DSP: variants seen among roughly 807,000 people sequenced by gnomAD.
The protein encoded by DSP is desmoplakin, also known as 250/210 kDa paraneoplastic pemphigus antigen.
DSP carries 114 observed loss-of-function variants against 290.6 expected under a neutral mutation model. The ratio of observed to expected loss-of-function variants is 0.39; its 90% CI spans 0.34 to 0.46. The LOEUF (loss-of-function observed/expected upper bound fraction) is 0.46, where lower values mean the gene tolerates loss of function less well. DSP is among the 20% of genes least tolerant of loss of function. DSP has a pLI of 0.99. For missense variants in DSP, 3,230 were observed against 3,495.8 expected (o/e 0.92, Z 1.92); for synonymous variants, 1,311 against 1,316.4 (o/e 1.00, Z 0.09).
intron 5 of DSP, 35 bp downstream of exon 5, chr6:7,562,815 A>T: frequency 6.2e-7 from 1 of 1,613,280 alleles, no homozygotes; most frequent in Non-Finnish European, 8.5e-7. Context: ...AGTCTTCAAA[A>T]TATCTACCGA....
At chr6:7,558,015 T>G (rs577842439) in intron 2 of DSP, 101 bp from the exon 3 acceptor site, 2 of 1,420,274 alleles carry the variant, frequency 1.4e-6, no homozygotes, top group South Asian at 1.2e-5. Context: ...AACTTACAGT[T>G]TTTGTCATGT....
chr6:7,549,953 G>A (rs1758285121), intron 1 of DSP, among the ~76,000 whole-genome samples: 1 of 152,106 alleles, frequency 6.6e-6, no homozygotes, highest in Non-Finnish European at 1.5e-5. Flanking sequence ...TGCCTATAAT[G>A]TCCCTCTTTG....
intron 1 of DSP, among the ~76,000 whole-genome samples, chr6:7,543,393 CTTT>C (rs397886749): frequency 0.046 from 3,693 of 80,044 alleles, 41 homozygotes; most frequent in Middle Eastern, 0.071. Context: ...TCTATTTTCG[CTTT>C]TTTTTTTTTT....
chr6:7,569,009 A>G lies in DSP; in HGVS notation c.1420-177A>G, dbSNP rs1045419455. 6.8e-4 allele frequency among the ~76,000 whole-genome samples: 103 copies of G among 152,250 alleles called. 1 individual carries two copies. Among genetic ancestry groups the G allele is most frequent in the African/African-American group, 2.2e-3 (93 of 41,460 alleles). On this transcript the variant is annotated intron_variant, in intron 11 of 23. Coordinates refer to ENST00000379802, the MANE Select transcript of DSP (RefSeq NM_004415.4). Reference sequence around the variant, plus strand: ...CTTCATGTATACCTTTTAGGCTCACATGTATTATTTAAAGCATCGGTATTG... The same window carrying G: ...CTTCATGTATACCTTTTAGGCTCACGTGTATTATTTAAAGCATCGGTATTG...
intron 9 of DSP, 32 bp from the exon 10 acceptor site, chr6:7,567,749 G>T: frequency 6.2e-7 from 1 of 1,613,526 alleles, no homozygotes; most frequent in Non-Finnish European, 8.5e-7. Flanking sequence ...TTGAGTTGCT[G>T]TTCATTCACT....
intron 12 of DSP, 73 bp from the exon 13 acceptor site, chr6:7,570,364 C>T (rs372161529): frequency 4.3e-6 from 7 of 1,609,384 alleles, no homozygotes; most frequent in East Asian, 2.2e-5. Context: ...GTGGTGTGAG[C>T]GTGTCCAGGT....
At position 7,583,005 on chromosome 6, in the gene DSP, C is replaced by T. The variant is rs1461028383; in HGVS notation, c.5743C>T (p.Arg1915Cys). Residue 1915 changes from arginine to cysteine, a missense_variant, in exon 24 of 24, where the codon CGT becomes TGT. By Grantham distance (180) the Arg-to-Cys change is radical (BLOSUM62 -3). Transcript: ENST00000379802. The surrounding 1 kb of genome is among the most constrained non-coding windows in gnomAD (Gnocchi z 4.0). ...EIKRIEERCR[R>C]KLEDSTRETQ... Reference sequence around the variant, plus strand: ...CAAGAGAATTGAAGAGAGGTGCAGGCGTAAGCTGGAGGATTCTACCAGGGA... The same window carrying T: ...CAAGAGAATTGAAGAGAGGTGCAGGTGTAAGCTGGAGGATTCTACCAGGGA... 2.5e-6 allele frequency: 4 copies of T among 1,613,940 alleles called. No homozygotes were observed. The highest frequency in any genetic ancestry group is 3.4e-6 in the Non-Finnish European group (4 of 1,179,988).
In DSP at chr6:7,581,101, G is replaced by A. The variant is rs140620146; in HGVS notation, c.4911G>A (p.Arg1637=). 2.5e-6 allele frequency: 4 copies of A among 1,613,938 alleles called. No homozygotes were observed. In the African/African-American group the frequency reaches 5.3e-5, roughly 22 times the overall value. Residue 1637 remains arginine (R), a synonymous_variant, in exon 23 of 24, where the codon AGG becomes AGA. Transcript: ENST00000379802. ...KRSEDDLRQQ[R]DVLDGHLREK... is the part of the protein sequence containing the mutation. ...GTGAGGATGACCTCCGGCAGCAGAG[G>A]GACGTGCTGGATGGCCACCTGAGGG...
At position 7,585,980 on chromosome 6, in the gene DSP, A is replaced by G. The variant is rs1759661424; in HGVS notation, c.*102A>G. 6 of 1,179,138 alleles carry G rather than the reference A, an allele frequency of 5.1e-6. No individual in the cohort carries two copies. The highest frequency in any genetic ancestry group is 7.4e-6 in the Non-Finnish European group (6 of 808,116). 73.0% of individuals were successfully genotyped at this position (1,179,138 alleles called of 1,614,324 possible). ...ATCCCGGTGCTTGCAGTAGAGTGAT[A>G]GGACATTCTATGCTTACAGAAAATA... On this transcript the variant is annotated 3_prime_UTR_variant, in exon 24 of 24. Coordinates refer to ENST00000379802, the MANE Select transcript of DSP (RefSeq NM_004415.4).
chr6:7,574,531 A>C, intron 16 of DSP, 126 bp from the exon 17 acceptor site: 1 of 1,435,760 alleles, frequency 7.0e-7, no homozygotes, highest in Non-Finnish European at 9.7e-7. Flanking sequence ...AATAGACCAA[A>C]AAACAGACAA....
In DSP at chr6:7,559,408, GCTT is replaced by G; in HGVS notation, c.597+12_597+14del. ...TGGATGAGGCAGCAAAGGGTAAGCA[GCTT>G]CTTGAACAGCCCAAACCTGTGCAGG... On this transcript the variant is annotated intron_variant, in intron 4 of 23. Transcript: ENST00000379802. 1 of 1,612,294 alleles carries G rather than the reference GCTT, an allele frequency of 6.2e-7. No homozygotes were observed. Among genetic ancestry groups the G allele is most frequent in the Non-Finnish European group, 8.5e-7 (1 of 1,179,952 alleles).
intron 18 of DSP, 57 bp from the exon 19 acceptor site, chr6:7,576,237 G>A (rs1759235668): frequency 1.3e-6 from 2 of 1,580,014 alleles, no homozygotes; most frequent in Admixed American, 1.7e-5. Context: ...GTGATTCTAT[G>A]TTACATATTT....
chr6:7,577,728 T>A, intron 20 of DSP, 51 bp from the exon 21 acceptor site: 2 of 1,391,870 alleles, frequency 1.4e-6, no homozygotes, highest in Non-Finnish European at 2.0e-6. Context: ...CTGTTAGTGA[T>A]GCTTTTTAAG....
intron 15 of DSP, among the ~76,000 whole-genome samples, chr6:7,573,119 T>A (rs1212862536): frequency 8.7e-6 from 1 of 114,294 alleles, no homozygotes; most frequent in Non-Finnish European, 2.2e-5. Context: ...TAAAAAAAAA[T>A]GTGTGTGTGT....
rs1759480891 is a variant in DSP, at chr6:7,582,769, T to C, written c.5507T>C (p.Leu1836Pro). The C allele has an allele frequency of 2.5e-6, 4 of 1,613,910 alleles. No individual in the cohort carries two copies. The highest frequency in any genetic ancestry group is 2.5e-6 in the Non-Finnish European group (3 of 1,179,926). The change falls in exon 24 of 24, where the codon CTG (leucine) becomes CCG (proline). Residue 1836 changes from leucine to proline, a missense_variant. Leu to Pro is a moderately conservative substitution (Grantham distance 98). Transcript: ENST00000379802. This position sits in a 1 kb window ranked among gnomAD's most constrained non-coding sequence, Gnocchi z 4.2. The stretch of plus-strand genomic sequence containing the variant: ...AGGCTGCAGAGGCTGGAGGATGAGC[T>C]GAATCGTGCAAAATCAACTCTAGAG... Reference protein sequence around the residue: ...KARLQRLEDELNRAKSTLEAE... With the variant: ...KARLQRLEDEPNRAKSTLEAE...
At chr6:7,550,333 G>A (rs545785266) in intron 1 of DSP, among the ~76,000 whole-genome samples, 1 of 152,204 alleles carries the variant, frequency 6.6e-6, no homozygotes, top group Non-Finnish European at 1.5e-5. Flanking sequence ...GGGATTACAG[G>A]CATGAGCCAC....
In DSP at chr6:7,571,999, T is replaced by C. The variant is rs1581806581; in HGVS notation, c.2061T>C (p.Thr687=). 3.1e-6 allele frequency: 5 copies of C among 1,614,156 alleles called. No homozygotes were observed. The highest frequency in any genetic ancestry group is 4.5e-5 in the East Asian group (2 of 44,872). ...TAGAGCACTGCGAGGGCAGGATGAC[T>C]CTCAAAAACCTCCCTCTAGCAGACC... ...RQIEHCEGRM[T]LKNLPLADQG... Residue 687 remains threonine, a synonymous_variant, in exon 15 of 24, where the codon ACT becomes ACC. Transcript: ENST00000379802.
In DSP at chr6:7,585,080, C is replaced by G; in HGVS notation, c.7818C>G (p.Ser2606Arg). 6.2e-7 allele frequency: 1 copy of G among 1,614,186 alleles called. No homozygotes were observed. Among genetic ancestry groups the G allele is most frequent in the Non-Finnish European group, 8.5e-7 (1 of 1,180,044 alleles). The change falls in exon 24 of 24, where the codon AGC becomes AGG. Residue 2606 changes from serine (S) to arginine (R), a missense_variant. Ser to Arg is a moderately radical substitution (Grantham distance 110). This residue lies in a region of DSP where 582 missense variants were observed against 555.4 expected (regional missense o/e 1.05). Coordinates refer to ENST00000379802, the MANE Select transcript of DSP (RefSeq NM_004415.4). The stretch of plus-strand genomic sequence containing the variant: ...GCGTCAGGAATTTAACCATAAGGAG[C>G]AGCTCTTTTTCAGACACCCTGGAAG... ...ISSVRNLTIR[S>R]SSFSDTLEES...
In DSP at chr6:7,571,695, G is replaced by T. The variant is rs1412442935; in HGVS notation, c.1903+111G>T. On this transcript the variant is annotated intron_variant, in intron 14 of 23. Transcript: ENST00000379802. ...CATTTCTCTGAATGCTATATAGCCA[G>T]TGTTCTTCGTGCACTAAATTTTCAG... is the stretch of plus-strand genomic sequence containing the variant. The T allele has an allele frequency of 2.7e-6, 4 of 1,495,788 alleles. No homozygotes were observed. The African/African-American group carries it at 5.5e-5, about 21-fold the overall frequency. 92.7% of individuals were successfully genotyped at this position (1,495,788 alleles called of 1,614,324 possible). A position where few individuals can be genotyped will look rare whatever the true frequency, so the allele number is the denominator to read the frequency against.
Sources: allele counts gnomAD v4.1 joint callset (sites outside exome capture counted in the v4.1 genomes callset), GRCh38; gene constraint gnomAD v4.1.1; regional missense constraint gnomAD v4.1.1; non-coding constraint Gnocchi (gnomAD v3.1); transcripts MANE v1.5; gene names NCBI Gene and HGNC (gene_info 2026-07-23, HGNC 2026-07-21).